Variants in CYB5A observed in about 807,000 individuals in gnomAD.
The protein encoded by CYB5A is cytochrome b5 type A.
Under a neutral mutation model 16.2 loss-of-function variants are expected in CYB5A, and 10 were observed. The observed-to-expected ratio is 0.62, with a 90% CI of 0.38 to 1.04. CYB5A has a LOEUF of 1.04. Among genes scored for constraint, CYB5A ranks in the 50% least tolerant of loss-of-function variants. The pLI is 0.01. For missense variants in CYB5A, 161 were observed against 165.9 expected, an observed-to-expected ratio of 0.97 and a Z score of 0.16; for synonymous variants, 62 against 57.0, an observed-to-expected ratio of 1.09 and a Z score of -0.40.
chr18:74,253,737 T>C, intron 4 of CYB5A, 72 bp from the exon 5 acceptor site: 1 of 1,019,910 alleles, frequency 9.8e-7, no homozygotes, highest in Non-Finnish European at 1.5e-6. Context: ...TTGCTCCTTC[T>C]AACAGAAAAT....
chr18:74,261,787 G>C (rs957058614), intron 2 of CYB5A: 2 of 152,188 alleles, frequency 1.3e-5, no homozygotes, highest in African/African-American at 4.8e-5. Flanking sequence ...AGTGGTATAC[G>C]ATAAGACTTT....
At chr18:74,264,021 G>A (rs896721138) in intron 1 of CYB5A, among the ~76,000 whole-genome samples, 2 of 152,212 alleles carry the variant, frequency 1.3e-5, no homozygotes, top group South Asian at 2.1e-4. Flanking sequence ...GACCAACCTG[G>A]CCTACATGGC....
At chr18:74,282,045 C>T (rs551667644) in intron 1 of CYB5A, among the ~76,000 whole-genome samples, 2 of 152,210 alleles carry the variant, frequency 1.3e-5, no homozygotes, top group Middle Eastern at 3.4e-3. Flanking sequence ...AAAGTGCTCC[C>T]CTCACCTTTA....
chr18:74,265,882 A>G (rs1279635195), intron 1 of CYB5A, among the ~76,000 whole-genome samples: 1 of 152,192 alleles, frequency 6.6e-6, no homozygotes, highest in African/African-American at 2.4e-5. Flanking sequence ...ATCTGCCCCC[A>G]TGACCTAAAC....
rs1981799399 is a variant in CYB5A, at chr18:74,252,316, T to C, written c.*1268A>G. ...TTTCAAGTTTCCACATTTAAAAGAA[T>C]AACACATAAGGCAGAGAATAATAAA... On this transcript the variant is annotated 3_prime_UTR_variant, in exon 5 of 5. Transcript: ENST00000340533. 1 of 152,138 alleles carries C rather than the reference T, an allele frequency of 6.6e-6. No individual in the cohort carries two copies. Among genetic ancestry groups the C allele is most frequent in the Non-Finnish European group, 1.5e-5 (1 of 68,030 alleles). The allele number at this position is 152,138 out of a possible 1,614,324, so 9.4% of individuals were successfully genotyped here.
In CYB5A at chr18:74,264,032, G is replaced by A. The variant is rs144373579; in HGVS notation, c.130-555C>T. Among the ~76,000 whole-genome samples, 400 of 152,236 alleles carry A rather than the reference G, an allele frequency of 2.6e-3. 4 individuals are homozygous for A. The East Asian group carries it at 0.033, about 13-fold the overall frequency. ...TCGAGACCAACCTGGCCTACATGGC[G>A]AAACCCCATCTCTACAAAAAATACA... On this transcript the variant is annotated intron_variant, in intron 1 of 4. Transcript: ENST00000340533.
At chr18:74,281,821 G>GGT (rs34280956) in intron 1 of CYB5A, among the ~76,000 whole-genome samples, 5,633 of 144,562 alleles carry the variant, frequency 0.039, 318 homozygotes, top group African/African-American at 0.13. Context: ...AGGAGAGGAG[G>GGT]GTGTGTGTGT....
At chr18:74,288,541 G>A (rs1208706358) in intron 1 of CYB5A, among the ~76,000 whole-genome samples, 2 of 152,230 alleles carry the variant, frequency 1.3e-5, no homozygotes, top group African/African-American at 2.4e-5. Flanking sequence ...ATAGAAGACA[G>A]GAAAGAGGAT....
chr18:74,273,300 A>G (rs1982742718), intron 1 of CYB5A, among the ~76,000 whole-genome samples: 1 of 152,162 alleles, frequency 6.6e-6, no homozygotes, highest in South Asian at 2.1e-4. Flanking sequence ...CACTTCCTGC[A>G]CCTCTGCACT....
intron 1 of CYB5A, among the ~76,000 whole-genome samples, chr18:74,285,446 A>C (rs986007452): frequency 1.3e-5 from 2 of 152,214 alleles, no homozygotes; most frequent in African/African-American, 4.8e-5. Flanking sequence ...TATTCCATAC[A>C]TTTCCCTTTT....
intron 3 of CYB5A, chr18:74,256,738 C>G (rs1568213718): frequency 5.2e-6 from 6 of 1,155,156 alleles, no homozygotes; most frequent in Non-Finnish European, 6.5e-6. Flanking sequence ...GTAAGGCAAG[C>G]ATCACTCTGC....
intron 1 of CYB5A, among the ~76,000 whole-genome samples, chr18:74,289,593 T>A (rs1008623816): frequency 1.3e-5 from 2 of 151,962 alleles, no homozygotes; most frequent in African/African-American, 4.8e-5. Flanking sequence ...TTGGCCAACA[T>A]GTTGAAACCC....
intron 1 of CYB5A, among the ~76,000 whole-genome samples, chr18:74,281,016 A>G (rs1983078209): frequency 6.6e-6 from 1 of 152,136 alleles, no homozygotes; most frequent in African/African-American, 2.4e-5. Context: ...CACGCGAGAG[A>G]AGATGGAGGC....
At chr18:74,256,471 C>A in intron 3 of CYB5A, 1 of 261,196 alleles carries the variant, frequency 3.8e-6, no homozygotes, top group Admixed American at 4.8e-5. Flanking sequence ...CTGGGAGCAG[C>A]TCTTTTGAGT....
At chr18:74,283,954 C>T (rs554748790) in intron 1 of CYB5A, among the ~76,000 whole-genome samples, 13 of 152,208 alleles carry the variant, frequency 8.5e-5, no homozygotes, top group African/African-American at 2.9e-4. Context: ...AAGCACAGGC[C>T]GGGCGCAGTG....
chr18:74,274,963 T>C (rs1982809892), intron 1 of CYB5A, among the ~76,000 whole-genome samples: 1 of 152,176 alleles, frequency 6.6e-6, no homozygotes, highest in Non-Finnish European at 1.5e-5. Flanking sequence ...CTCACTCCAA[T>C]CCTTACCCCA....
intron 1 of CYB5A, among the ~76,000 whole-genome samples, chr18:74,288,554 G>T (rs1304941092): frequency 6.6e-6 from 1 of 152,184 alleles, no homozygotes; most frequent in African/African-American, 2.4e-5. Flanking sequence ...AAGAGGATCG[G>T]GCAAGCGGGG....
At chr18:74,264,218 A>C (rs1250408039) in intron 1 of CYB5A, among the ~76,000 whole-genome samples, 2 of 93,934 alleles carry the variant, frequency 2.1e-5, no homozygotes, top group African/African-American at 5.7e-5. Context: ...CTCAAAAAAA[A>C]AAAAAAAAGA....
At chr18:74,264,858 G>A (rs1388689402) in intron 1 of CYB5A, among the ~76,000 whole-genome samples, 1 of 152,160 alleles carries the variant, frequency 6.6e-6, no homozygotes, top group Admixed American at 6.5e-5. Flanking sequence ...GAGGTAAGGA[G>A]GTCTGGGGAT....
Sources: gnomAD v4.1 joint callset for allele counts (sites outside exome capture counted in the v4.1 genomes callset) on GRCh38, gnomAD v4.1.1 for gene constraint, MANE v1.5 for transcripts, NCBI Gene and HGNC (gene_info 2026-07-23, HGNC 2026-07-21) for gene names.